RSRC1: variants seen among roughly 807,000 people sequenced by gnomAD.
RSRC1 encodes the protein arginine and serine rich coiled-coil 1.
In RSRC1, 39 loss-of-function variants were observed where a neutral mutation model predicts 49.1. That is an observed-to-expected ratio of 0.79 (90% CI 0.61 to 1.04). The LOEUF (loss-of-function observed/expected upper bound fraction) is 1.04. RSRC1 is among the 50% of genes least tolerant of loss of function. The pLI, the probability that RSRC1 is intolerant of heterozygous loss-of-function variation, is 0.00. For missense variants in RSRC1, 388 were observed against 402.4 expected, an observed-to-expected ratio of 0.96 and a Z score of 0.31; for synonymous variants, 143 against 130.8, an observed-to-expected ratio of 1.09 and a Z score of -0.63.
At chr3:158,503,215 T>C (rs1034718398) in intron 7 of RSRC1, among the ~76,000 whole-genome samples, 1 of 152,194 alleles carries the variant, frequency 6.6e-6, no homozygotes, top group Non-Finnish European at 1.5e-5. Context: ...GGGGGCTGTC[T>C]GCACAGAGTC....
At chr3:158,244,857 G>T (rs556534872) in intron 4 of RSRC1, among the ~76,000 whole-genome samples, 1 of 151,976 alleles carries the variant, frequency 6.6e-6, no homozygotes, top group Non-Finnish European at 1.5e-5. Context: ...ATCTTTGGAC[G>T]ATATACGTGT....
At chr3:158,514,259 T>C (rs999734623) in intron 7 of RSRC1, among the ~76,000 whole-genome samples, 7 of 152,346 alleles carry the variant, frequency 4.6e-5, no homozygotes, top group African/African-American at 1.7e-4. Context: ...CATTTAGTGC[T>C]GTAAATTTCC....
At chr3:158,530,896 A>T (rs1366265640) in intron 7 of RSRC1, among the ~76,000 whole-genome samples, 11 of 68,988 alleles carry the variant, frequency 1.6e-4, no homozygotes, top group African/African-American at 4.1e-4. Flanking sequence ...GAGTATAATA[A>T]AAAAAAAAAT....
intron 5 of RSRC1, among the ~76,000 whole-genome samples, chr3:158,335,139 C>T (rs1729812141): frequency 6.6e-6 from 1 of 152,150 alleles, no homozygotes; most frequent in Non-Finnish European, 1.5e-5. Context: ...GAAGAGGGTA[C>T]TCATTTTGCA....
chr3:158,124,168 C>G (rs1162229181), intron 3 of RSRC1, among the ~76,000 whole-genome samples, 177 bp downstream of exon 3: 2 of 152,124 alleles, frequency 1.3e-5, no homozygotes, highest in African/African-American at 4.8e-5. Flanking sequence ...TTGATTGGAA[C>G]TGGATGGTCT....
intron 6 of RSRC1, among the ~76,000 whole-genome samples, chr3:158,437,413 A>G (rs1207448717): frequency 6.6e-6 from 1 of 152,162 alleles, no homozygotes; most frequent in Non-Finnish European, 1.5e-5. Context: ...ATAAATGGTT[A>G]CAGTATAACT....
At chr3:158,464,975 A>G (rs1737807139) in intron 7 of RSRC1, among the ~76,000 whole-genome samples, 1 of 152,072 alleles carries the variant, frequency 6.6e-6, no homozygotes, top group Admixed American at 6.6e-5. Flanking sequence ...CAAAAATAAT[A>G]TAATTCTCTC....
At chr3:158,372,221 T>C (rs1002852741) in intron 6 of RSRC1, among the ~76,000 whole-genome samples, 7 of 152,002 alleles carry the variant, frequency 4.6e-5, no homozygotes, top group Non-Finnish European at 7.4e-5. Flanking sequence ...TTTAGTGACA[T>C]ATTTAAGAAA....
intron 6 of RSRC1, among the ~76,000 whole-genome samples, chr3:158,383,941 A>G (rs1266326777): frequency 3.3e-5 from 5 of 152,130 alleles, no homozygotes; most frequent in Non-Finnish European, 7.4e-5. Flanking sequence ...GAAAAACTTT[A>G]TGGGAAAATA....
intron 8 of RSRC1, among the ~76,000 whole-genome samples, chr3:158,542,269 G>A (rs1025592918): frequency 5.3e-5 from 8 of 152,246 alleles, no homozygotes; most frequent in South Asian, 2.1e-4. Flanking sequence ...GGTGGCTCAC[G>A]CCTGTAATCC....
At position 158,122,274 on chromosome 3, in the gene RSRC1, C is replaced by G; in HGVS notation, c.170C>G (p.Pro57Arg). ...AGATCTTGGTCCAGAGATCTTCAGC[C>G]TCGTTCACATTCTTATGATAGAAGG... ...KSRSWSRDLQ[P>R]RSHSYDRRRR... Residue 57 changes from proline (P) to arginine (R), a missense_variant, in exon 2 of 10, where the codon CCT becomes CGT. By Grantham distance (103) the Pro-to-Arg change is moderately radical. Transcript: ENST00000611884. The G allele has an allele frequency of 6.3e-7, 1 of 1,588,356 alleles. No individual in the cohort carries two copies. The highest frequency in any genetic ancestry group is 1.8e-5 in the Admixed American group (1 of 56,440).
intron 7 of RSRC1, among the ~76,000 whole-genome samples, chr3:158,507,439 C>A (rs1156566471): frequency 6.6e-6 from 1 of 151,744 alleles, no homozygotes; most frequent in Non-Finnish European, 1.5e-5. Context: ...TTGCAGTTAC[C>A]CTAATTTGAT....
intron 3 of RSRC1, among the ~76,000 whole-genome samples, chr3:158,147,894 CTA>C (rs1717247576): frequency 6.6e-6 from 1 of 152,016 alleles, no homozygotes; most frequent in African/African-American, 2.4e-5. Context: ...TTTTTAAACT[CTA>C]TATTTTCAAT....
At chr3:158,371,370 T>A (rs1732070194) in intron 6 of RSRC1, among the ~76,000 whole-genome samples, 1 of 151,798 alleles carries the variant, frequency 6.6e-6, no homozygotes, top group African/African-American at 2.4e-5. Flanking sequence ...TTCCCCCAAA[T>A]TCCCCCATAC....
At chr3:158,449,687 C>CA (rs1736912472) in intron 6 of RSRC1, among the ~76,000 whole-genome samples, 1 of 151,994 alleles carries the variant, frequency 6.6e-6, no homozygotes, top group Admixed American at 6.6e-5. Context: ...AAGTTTGTTA[C>CA]ATATGTATAC....
intron 4 of RSRC1, among the ~76,000 whole-genome samples, chr3:158,203,682 A>G (rs560149808): frequency 6.6e-6 from 1 of 152,256 alleles, no homozygotes; most frequent in South Asian, 2.1e-4. Flanking sequence ...AAACAGAAGG[A>G]GGGGACCATG....
chr3:158,239,081 A>G (rs181325426), intron 4 of RSRC1, among the ~76,000 whole-genome samples: 72 of 152,344 alleles, frequency 4.7e-4, no homozygotes, highest in African/African-American at 1.6e-3. Flanking sequence ...AAAATAAGAC[A>G]TTTATACAGC....
intron 4 of RSRC1, among the ~76,000 whole-genome samples, chr3:158,289,491 T>C (rs1332975612): frequency 6.6e-6 from 1 of 152,242 alleles, no homozygotes; most frequent in African/African-American, 2.4e-5. Context: ...ATTTTGTTAC[T>C]ATGGTAGACT....
chr3:158,305,066 T>G (rs1396019466), intron 5 of RSRC1, among the ~76,000 whole-genome samples: 1 of 152,126 alleles, frequency 6.6e-6, no homozygotes, highest in Non-Finnish European at 1.5e-5. Context: ...TTTGATGAGT[T>G]ACAAGTTTAT....
Sources: allele counts gnomAD v4.1 joint callset (sites outside exome capture counted in the v4.1 genomes callset), GRCh38; gene constraint gnomAD v4.1.1; transcripts MANE v1.5; gene names NCBI Gene and HGNC (gene_info 2026-07-23, HGNC 2026-07-21).